The following RAPGEF2 variants were observed in gnomAD, a reference collection of about 807,000 sequenced individuals.
RAPGEF2 encodes the protein Rap guanine nucleotide exchange factor 2.
In RAPGEF2, 54 loss-of-function variants were observed where a neutral mutation model predicts 186.7. The observed-to-expected ratio is 0.29, with a 90% CI of 0.23 to 0.36. RAPGEF2 has a LOEUF of 0.36. RAPGEF2 is among the 10% of genes least tolerant of loss of function. The pLI, the probability that RAPGEF2 is intolerant of heterozygous loss-of-function variation, is 1.00. For synonymous variants in RAPGEF2, 712 were observed against 705.9 expected, an observed-to-expected ratio of 1.01 and a Z score of -0.14; for missense variants, 1,532 against 2,045.0, an observed-to-expected ratio of 0.75 and a Z score of 4.84.
chr4:159,304,212 G>C (rs906893186), intron 7 of RAPGEF2, 130 bp from the exon 8 acceptor site: 3 of 836,884 alleles, frequency 3.6e-6, no homozygotes, highest in Non-Finnish European at 5.2e-6. Context: ...TTAGTAATTT[G>C]TGAATGTGGA....
At chr4:159,340,015 T>C (rs1434574197) in intron 19 of RAPGEF2, among the ~76,000 whole-genome samples, 1 of 152,232 alleles carries the variant, frequency 6.6e-6, no homozygotes, top group Admixed American at 6.5e-5. Flanking sequence ...ATTTTCACTG[T>C]TAGGTATATG....
At chr4:159,304,836 C>T (rs774085103) in intron 8 of RAPGEF2, among the ~76,000 whole-genome samples, 25 of 152,082 alleles carry the variant, frequency 1.6e-4, no homozygotes, top group Non-Finnish European at 3.5e-4. Flanking sequence ...CATTATGCAC[C>T]CCCTACTCCC....
At chr4:159,337,948 ATAC>A (rs1045716745) in intron 17 of RAPGEF2, among the ~76,000 whole-genome samples, 2 of 150,318 alleles carry the variant, frequency 1.3e-5, no homozygotes, top group Admixed American at 1.3e-4. Flanking sequence ...GAAACATACT[ATAC>A]ACTTAAGAAA....
At chr4:159,108,902 G>C (rs1337263989) in intron 1 of RAPGEF2, among the ~76,000 whole-genome samples, 1 of 151,988 alleles carries the variant, frequency 6.6e-6, no homozygotes, top group Non-Finnish European at 1.5e-5. Context: ...ATTTTTTGTA[G>C]AGATGAGGGT....
intron 12 of RAPGEF2, 23 bp from the exon 13 acceptor site, chr4:159,330,311 A>G (rs761838540): frequency 8.5e-7 from 1 of 1,169,968 alleles, no homozygotes; most frequent in Non-Finnish European, 1.2e-6. Context: ...ATATGTAGTA[A>G]TTAAACCTTT....
chr4:159,205,814 C>A (rs1401086002), intron 3 of RAPGEF2, among the ~76,000 whole-genome samples: 2 of 152,158 alleles, frequency 1.3e-5, no homozygotes, highest in African/African-American at 4.8e-5. Context: ...CCAGTTAAAC[C>A]TCTTTTCAAG....
At chr4:159,299,137 C>T (rs1431737195) in intron 7 of RAPGEF2, among the ~76,000 whole-genome samples, 2 of 151,956 alleles carry the variant, frequency 1.3e-5, no homozygotes, top group East Asian at 3.8e-4. Flanking sequence ...AGTGATGCAT[C>T]TTAATATGAA....
intron 4 of RAPGEF2, among the ~76,000 whole-genome samples, chr4:159,235,932 G>A (rs1292718719): frequency 6.6e-6 from 1 of 152,154 alleles, no homozygotes; most frequent in Non-Finnish European, 1.5e-5. Context: ...ATCTCTGTGA[G>A]AGAGCTCAGA....
At chr4:159,255,531 A>G (rs923070939) in intron 7 of RAPGEF2, among the ~76,000 whole-genome samples, 3 of 152,128 alleles carry the variant, frequency 2.0e-5, no homozygotes, top group African/African-American at 7.2e-5. Context: ...ATAAAGCAAA[A>G]TAATTGTCTG....
chr4:159,198,709 G>A (rs563409614), intron 3 of RAPGEF2, among the ~76,000 whole-genome samples: 8 of 151,880 alleles, frequency 5.3e-5, no homozygotes, highest in African/African-American at 1.4e-4. Flanking sequence ...GCCTCCCAAA[G>A]TGCTGGGATT....
intron 7 of RAPGEF2, among the ~76,000 whole-genome samples, chr4:159,246,773 T>C (rs1262410660): frequency 6.6e-6 from 1 of 152,206 alleles, no homozygotes; most frequent in African/African-American, 2.4e-5. Context: ...ATTTATTATT[T>C]ATTCAGTTTT....
chr4:159,297,249 C>T (rs1198870719), intron 7 of RAPGEF2, among the ~76,000 whole-genome samples: 1 of 152,054 alleles, frequency 6.6e-6, no homozygotes, highest in Non-Finnish European at 1.5e-5. Flanking sequence ...CCCCAACCCC[C>T]AAAAAAACAC....
intron 1 of RAPGEF2, among the ~76,000 whole-genome samples, chr4:159,160,989 T>G (rs1305314118): frequency 6.6e-6 from 1 of 152,184 alleles, no homozygotes; most frequent in African/African-American, 2.4e-5. Context: ...TTAAAGTTTT[T>G]TTTAATCATA....
chr4:159,227,464 GCATGTGTCTA>G (rs1227605223), intron 4 of RAPGEF2, among the ~76,000 whole-genome samples: 1 of 152,154 alleles, frequency 6.6e-6, no homozygotes, highest in African/African-American at 2.4e-5. Context: ...TATTGGATGG[GCATGTGTCTA>G]CATGCTGAAA....
At chr4:159,170,219 A>G (rs552917444) in intron 1 of RAPGEF2, among the ~76,000 whole-genome samples, 13 of 151,858 alleles carry the variant, frequency 8.6e-5, no homozygotes, top group Admixed American at 1.3e-4. Flanking sequence ...AGAAATGTCT[A>G]TTCAGGTCCT....
intron 1 of RAPGEF2, among the ~76,000 whole-genome samples, chr4:159,144,238 C>G (rs1259921488): frequency 1.3e-5 from 2 of 152,180 alleles, no homozygotes; most frequent in Non-Finnish European, 2.9e-5. Flanking sequence ...ACATATCATT[C>G]TGCAACTTAC....
chr4:159,323,777 G>C (rs992683550), intron 11 of RAPGEF2, among the ~76,000 whole-genome samples, 160 bp downstream of exon 11: 1 of 149,586 alleles, frequency 6.7e-6, no homozygotes, highest in Non-Finnish European at 1.5e-5. Flanking sequence ...GGAGTGCAGC[G>C]GCACAAGCTC....
Position 159,345,098 on chromosome 4 carries a change from T to C in RAPGEF2, c.3279-8T>C, listed in dbSNP as rs769572862. 5.6e-6 allele frequency: 9 copies of C among 1,609,666 alleles called. No individual in the cohort carries two copies. Among genetic ancestry groups the C allele is most frequent in the Non-Finnish European group, 7.7e-6 (9 of 1,176,166 alleles). On this transcript the variant is annotated splice_polypyrimidine_tract_variant and splice_region_variant and intron_variant, in intron 23 of 29. Transcript: ENST00000691494. ...AGTGAGCTGCATATGTACCTTTTCA[T>C]CTTCCAGGTCTCTCAGCCAGGGTAG... is the stretch of plus-strand genomic sequence containing the variant.
At chr4:159,289,065 A>AT (rs1760862945) in intron 7 of RAPGEF2, among the ~76,000 whole-genome samples, 1 of 151,956 alleles carries the variant, frequency 6.6e-6, no homozygotes, top group Non-Finnish European at 1.5e-5. Flanking sequence ...TTTTTTTAAA[A>AT]TTTTTTATTG....
Sources: gnomAD v4.1 joint callset for allele counts (sites outside exome capture counted in the v4.1 genomes callset) on GRCh38, gnomAD v4.1.1 for gene constraint, MANE v1.5 for transcripts, NCBI Gene and HGNC (gene_info 2026-07-23, HGNC 2026-07-21) for gene names.